The following PTPN4 variants were observed in gnomAD, a reference collection of about 807,000 sequenced individuals.
PTPN4 encodes protein tyrosine phosphatase non-receptor type 4.
In PTPN4, 49 loss-of-function variants were observed where a neutral mutation model predicts 135.5. The ratio of observed to expected loss-of-function variants is 0.36; its 90% confidence interval spans 0.29 to 0.46. The LOEUF (loss-of-function observed/expected upper bound fraction) is 0.46, where lower values mean the gene tolerates loss of function less well. PTPN4 is among the 20% of genes least tolerant of loss of function. The probability of loss-of-function intolerance (pLI) is 1.00; values close to 1 mark genes in which losing one functional copy is unlikely to be tolerated. For synonymous variants in PTPN4, 333 were observed against 369.9 expected (o/e 0.90, Z 1.14); for missense variants, 860 against 1,101.0 (o/e 0.78, Z 3.10).
chr2:119,872,608 A>T lies in PTPN4; in HGVS notation c.247-4715A>T, dbSNP rs370284985. On this transcript the variant is annotated intron_variant, in intron 3 of 26. Coordinates refer to ENST00000263708, the MANE Select transcript of PTPN4 (RefSeq NM_002830.4). ...AGAGTAAAAGTCACTTTCCCTCTCA[A>T]GCCTTTCCTGACTACCACTACTCCC... Among the ~76,000 whole-genome samples the T allele has an allele frequency of 9.9e-5, 15 of 152,100 alleles. 1 individual carries two copies. In the South Asian group the frequency reaches 2.9e-3, roughly 30 times the overall value.
intron 15 of PTPN4, among the ~76,000 whole-genome samples, chr2:119,940,189 C>A (rs1258132489): frequency 6.6e-6 from 1 of 152,178 alleles, no homozygotes; most frequent in Non-Finnish European, 1.5e-5. Context: ...TTACTCATAT[C>A]CCTGATAGTT....
chr2:119,832,858 A>G (rs1677239184), intron 2 of PTPN4, among the ~76,000 whole-genome samples: 2 of 152,116 alleles, frequency 1.3e-5, no homozygotes, highest in African/African-American at 4.8e-5. Context: ...TCCCTCTTGA[A>G]TTAGAATCAT....
chr2:119,870,979 A>G (rs1323180545), intron 3 of PTPN4, among the ~76,000 whole-genome samples: 1 of 152,008 alleles, frequency 6.6e-6, no homozygotes, highest in East Asian at 1.9e-4. Context: ...AAATACTTGC[A>G]ACATATGTAA....
chr2:119,793,541 TTAAAG>T (rs1381888711), intron 1 of PTPN4, among the ~76,000 whole-genome samples: 4 of 152,174 alleles, frequency 2.6e-5, no homozygotes, highest in Middle Eastern at 3.2e-3. Flanking sequence ...GATTAAGAGA[TTAAAG>T]TAAAGACAGA....
chr2:119,808,124 G>A (rs1461097038), intron 1 of PTPN4, among the ~76,000 whole-genome samples: 1 of 152,168 alleles, frequency 6.6e-6, no homozygotes, highest in Non-Finnish European at 1.5e-5. Flanking sequence ...ATATCATACT[G>A]AATGGGCAAA....
At chr2:119,770,151 A>G (rs1362193593) in intron 1 of PTPN4, among the ~76,000 whole-genome samples, 1 of 152,230 alleles carries the variant, frequency 6.6e-6, no homozygotes, top group East Asian at 1.9e-4. Flanking sequence ...CTGTGGGGAT[A>G]CAGAATTGAA....
chr2:119,878,831 C>T (rs931863759), intron 5 of PTPN4, among the ~76,000 whole-genome samples: 1 of 151,680 alleles, frequency 6.6e-6, no homozygotes, highest in South Asian at 2.1e-4. Flanking sequence ...CAGTGGCTCA[C>T]GCCTGTAATC....
Position 119,967,834 on chromosome 2 carries a change from T to A in PTPN4, c.2559-3T>A, listed in dbSNP as rs369699847. ...AGATCTTGCCTATATTTGTCTTTTT[T>A]AGTGCTGGAATCGGAAGAACTGGGG... On this transcript the variant is annotated splice_polypyrimidine_tract_variant and splice_region_variant and intron_variant, in intron 25 of 26. Coordinates refer to ENST00000263708, the MANE Select transcript of PTPN4 (RefSeq NM_002830.4). 330 of 1,593,348 alleles carry A rather than the reference T, an allele frequency of 2.1e-4. No individual in the cohort carries two copies. The highest frequency in any genetic ancestry group is 2.8e-4 in the Non-Finnish European group (326 of 1,167,924).
intron 1 of PTPN4, 43 bp from the exon 2 acceptor site, chr2:119,809,794 T>A: frequency 6.7e-7 from 1 of 1,500,944 alleles, no homozygotes; most frequent in Non-Finnish European, 9.0e-7. Context: ...AGCTTATATT[T>A]TACGAACCTT....
At chr2:119,817,893 G>A (rs1387880529) in intron 2 of PTPN4, among the ~76,000 whole-genome samples, 1 of 151,966 alleles carries the variant, frequency 6.6e-6, no homozygotes, top group Non-Finnish European at 1.5e-5. Context: ...GCCTAGTTGT[G>A]TTCCTAGACA....
chr2:119,983,632 G>C lies in PTPN4; in HGVS notation c.*6562G>C, dbSNP rs1679725989. On this transcript the variant is annotated 3_prime_UTR_variant, in exon 27 of 27. Coordinates refer to ENST00000263708, the MANE Select transcript of PTPN4 (RefSeq NM_002830.4). ...TACATTTTAAAATAAAATTATCCTA[G>C]AAGTGTTGTAAACGTGGGAAAATTT... 6.6e-6 allele frequency: 1 copy of C among 152,132 alleles called. No individual in the cohort carries two copies. The highest frequency in any genetic ancestry group is 6.5e-5 in the Admixed American group (1 of 15,276). 9.4% of individuals were successfully genotyped at this position (152,132 alleles called of 1,614,324 possible).
At chr2:119,916,299 A>G (rs906760312) in intron 11 of PTPN4, 1 of 151,844 alleles carries the variant, frequency 6.6e-6, no homozygotes, top group African/African-American at 2.4e-5. Flanking sequence ...TGAGCCCAGG[A>G]GTTCAAGGCT....
chr2:119,782,107 C>G (rs1029353948), intron 1 of PTPN4, among the ~76,000 whole-genome samples: 2 of 152,042 alleles, frequency 1.3e-5, no homozygotes, highest in African/African-American at 4.8e-5. Flanking sequence ...CCAAATGTAG[C>G]CATTTAAATT....
At chr2:119,819,905 G>A (rs1336087384) in intron 2 of PTPN4, among the ~76,000 whole-genome samples, 1 of 152,018 alleles carries the variant, frequency 6.6e-6, no homozygotes, top group Non-Finnish European at 1.5e-5. Context: ...CTATCTTCCA[G>A]GATGGAATGT....
At position 119,881,988 on chromosome 2, in the gene PTPN4, TTAAAA is replaced by T. The variant is rs970367604; in HGVS notation, c.414-107_414-103del. Reference sequence around the variant, plus strand: ...ATCAGATAAGTTTATTTCTTAACAGTTAAAATCAAATCACATGAAACTTCAAGTGT... The same window carrying T: ...ATCAGATAAGTTTATTTCTTAACAGTTCAAATCACATGAAACTTCAAGTGT... On this transcript the variant is annotated intron_variant, in intron 6 of 26. Coordinates refer to ENST00000263708, the MANE Select transcript of PTPN4 (RefSeq NM_002830.4). 1.4e-5 allele frequency: 16 copies of T among 1,179,896 alleles called. No individual in the cohort carries two copies. In the African/African-American group the frequency reaches 1.8e-4, roughly 13 times the overall value. The allele number at this position is 1,179,896 out of a possible 1,614,324, so 73.1% of individuals were successfully genotyped here. A position where few individuals can be genotyped will look rare whatever the true frequency, so the allele number is the denominator to read the frequency against.
chr2:119,874,030 A>G (rs1253018615), intron 3 of PTPN4, among the ~76,000 whole-genome samples: 2 of 152,214 alleles, frequency 1.3e-5, no homozygotes, highest in Non-Finnish European at 2.9e-5. Context: ...ATTATTCATA[A>G]TAACTAAAAT....
chr2:119,896,258 T>TA (rs1340541245), intron 9 of PTPN4, among the ~76,000 whole-genome samples: 1 of 152,206 alleles, frequency 6.6e-6, no homozygotes, highest in Non-Finnish European at 1.5e-5. Flanking sequence ...GTAGAAACTG[T>TA]AGCTTGGTCT....
intron 2 of PTPN4, among the ~76,000 whole-genome samples, chr2:119,820,413 T>C (rs944026623): frequency 4.6e-5 from 7 of 152,186 alleles, no homozygotes; most frequent in Non-Finnish European, 7.4e-5. Flanking sequence ...GAAAGAGTTA[T>C]AGTTATCACA....
intron 10 of PTPN4, among the ~76,000 whole-genome samples, chr2:119,901,517 C>A (rs1444798242): frequency 2.6e-5 from 4 of 152,186 alleles, no homozygotes; most frequent in African/African-American, 9.7e-5. Context: ...CATAAAACTT[C>A]ACACCAAAGG....
Sources: gnomAD v4.1 joint callset for allele counts (sites outside exome capture counted in the v4.1 genomes callset) on GRCh38, gnomAD v4.1.1 for gene constraint, MANE v1.5 for transcripts, NCBI Gene and HGNC (gene_info 2026-07-23, HGNC 2026-07-21) for gene names.